CNTN5: variants seen among roughly 807,000 people sequenced by gnomAD.
CNTN5 encodes the protein contactin-5.
In CNTN5, 77 loss-of-function variants were observed where a neutral mutation model predicts 129.1. That is an observed-to-expected ratio of 0.60 (90% confidence interval 0.50 to 0.72). The LOEUF is 0.72. Among genes scored for constraint, CNTN5 ranks in the 30% least tolerant of loss-of-function variants. The pLI, the probability that CNTN5 is intolerant of heterozygous loss-of-function variation, is 0.00. For synonymous variants in CNTN5, 509 were observed against 465.6 expected, an observed-to-expected ratio of 1.09 and a Z score of -1.20; for missense variants, 1,478 against 1,328.8, an observed-to-expected ratio of 1.11 and a Z score of -1.75.
At chr11:99,678,967 C>A (rs201519239) in intron 3 of CNTN5, among the ~76,000 whole-genome samples, 3,979 of 144,398 alleles carry the variant, frequency 0.028, 57 homozygotes, top group Middle Eastern at 0.036. Flanking sequence ...CTCTCTCTCT[C>A]TATATATATA....
intron 3 of CNTN5, among the ~76,000 whole-genome samples, chr11:99,748,323 G>A (rs1296632203): frequency 1.3e-5 from 2 of 151,954 alleles, no homozygotes; most frequent in African/African-American, 2.4e-5. Flanking sequence ...AATTCAACTC[G>A]AAGCCATCAA....
chr11:99,805,941 G>A (rs903127597), intron 3 of CNTN5, among the ~76,000 whole-genome samples: 1 of 152,176 alleles, frequency 6.6e-6, no homozygotes, highest in African/African-American at 2.4e-5. Flanking sequence ...AATGGGCTTA[G>A]GGACAATCTC....
chr11:100,356,090 C>A, intron 24 of CNTN5, 27 bp from the exon 25 acceptor site: 1 of 1,503,770 alleles, frequency 6.6e-7, no homozygotes, highest in Non-Finnish European at 9.2e-7. Flanking sequence ...AGATAATTTG[C>A]TCCATTTGAT....
chr11:99,820,568 G>T (rs1359352603), intron 4 of CNTN5, among the ~76,000 whole-genome samples: 1 of 152,294 alleles, frequency 6.6e-6, no homozygotes, highest in African/African-American at 2.4e-5. Flanking sequence ...ACAAAATAAT[G>T]CCTGGTTCAT....
intron 6 of CNTN5, among the ~76,000 whole-genome samples, chr11:99,873,293 A>G (rs1948550331): frequency 6.6e-6 from 1 of 152,100 alleles, no homozygotes; most frequent in Admixed American, 6.6e-5. Context: ...CGCCTTTTTA[A>G]ATGGCAGAAA....
At chr11:100,150,779 A>T (rs75828565) in intron 13 of CNTN5, among the ~76,000 whole-genome samples, 1,551 of 152,182 alleles carry the variant, frequency 0.01, 22 homozygotes, top group African/African-American at 0.032. Flanking sequence ...ATTAACAACA[A>T]TATTGCATTG....
rs1491301950 is a variant in CNTN5, at chr11:99,408,454, GAA to G, written c.-71+82972_-71+82973del. Among the ~76,000 whole-genome samples the G allele has an allele frequency of 2.6e-3, 326 of 127,598 alleles. 1 individual carries two copies. Among genetic ancestry groups the G allele is most frequent in the Middle Eastern group, 0.013 (3 of 236 alleles). 83.7% of individuals were successfully genotyped at this position (127,598 alleles called of 152,430 possible). ...AAAGAAAGAAAGAAAGAAAGAGAAA[GAA>G]AGAAAGAAAGAAAGAAAGAAAGAAA... On this transcript the variant is annotated intron_variant, in intron 2 of 24. Coordinates refer to ENST00000524871, the MANE Select transcript of CNTN5 (RefSeq NM_014361.4).
At chr11:100,049,562 A>G (rs1170119075) in intron 9 of CNTN5, among the ~76,000 whole-genome samples, 1 of 152,136 alleles carries the variant, frequency 6.6e-6, no homozygotes, top group East Asian at 1.9e-4. Context: ...CCAAAGAAAA[A>G]CATTGTCAGA....
rs541083725 is a variant in CNTN5 at position 99,249,856 on chromosome 11, C to G, written c.-209-75490C>G. On this transcript the variant is annotated intron_variant, in intron 1 of 24. Transcript: ENST00000524871. ...ACATTGCAAGTATATTGAGTATTAACTGTAGCTCCATAAATAATAATCCAC... is the reference window on the plus strand; with the variant it reads ...ACATTGCAAGTATATTGAGTATTAAGTGTAGCTCCATAAATAATAATCCAC... Among the ~76,000 whole-genome samples, 4 of 152,048 alleles carry G rather than the reference C, an allele frequency of 2.6e-5. No homozygotes were observed. The East Asian group carries it at 7.8e-4, about 29-fold the overall frequency.
intron 1 of CNTN5, among the ~76,000 whole-genome samples, chr11:99,301,631 A>T (rs551539698): frequency 2.0e-5 from 3 of 151,862 alleles, no homozygotes; most frequent in Non-Finnish European, 4.4e-5. Flanking sequence ...ATAGACAATG[A>T]AAAAATAGCT....
intron 1 of CNTN5, among the ~76,000 whole-genome samples, chr11:99,215,608 A>G (rs1424921158): frequency 2.0e-5 from 3 of 152,178 alleles, no homozygotes; most frequent in Non-Finnish European, 4.4e-5. Context: ...AATGTCTCAA[A>G]GATATCCAAC....
At chr11:99,941,639 GT>G (rs1380443887) in intron 7 of CNTN5, among the ~76,000 whole-genome samples, 2 of 149,208 alleles carry the variant, frequency 1.3e-5, no homozygotes, top group Non-Finnish European at 3.0e-5. Context: ...GATAGTTCTA[GT>G]TAAGGTCAGC....
chr11:100,348,406 C>A (rs989800093), intron 23 of CNTN5, among the ~76,000 whole-genome samples: 41 of 152,106 alleles, frequency 2.7e-4, no homozygotes, highest in African/African-American at 9.6e-4. Flanking sequence ...CACACTTAAT[C>A]TCAAACTCGT....
intron 9 of CNTN5, among the ~76,000 whole-genome samples, chr11:100,014,586 A>T (rs10160279): frequency 0.11 from 16,113 of 152,102 alleles, 950 homozygotes; most frequent in Middle Eastern, 0.24. Flanking sequence ...TCTCAAAAAA[A>T]AATAATAATA....
At chr11:99,364,034 AT>A (rs1215364290) in intron 2 of CNTN5, among the ~76,000 whole-genome samples, 1 of 152,134 alleles carries the variant, frequency 6.6e-6, no homozygotes, top group Non-Finnish European at 1.5e-5. Flanking sequence ...AAGAATCAAG[AT>A]TTTTTGTGTT....
At position 100,335,471 on chromosome 11, in the gene CNTN5, A is replaced by G. The variant is rs551891387; in HGVS notation, c.2731-4992A>G. On this transcript the variant is annotated intron_variant, in intron 21 of 24. Coordinates refer to ENST00000524871, the MANE Select transcript of CNTN5 (RefSeq NM_014361.4). ...CAGCTTTGGGAAAAATAGAGTGTCT[A>G]CTAAGAAGAACCATCCTTGGTCAGG... is the stretch of plus-strand genomic sequence containing the variant. 1.1e-4 allele frequency among the ~76,000 whole-genome samples: 16 copies of G among 152,288 alleles called. No homozygotes were observed. The South Asian group carries it at 2.5e-3, about 24-fold the overall frequency.
At chr11:99,068,006 T>G (rs2135237062) in intron 1 of CNTN5, among the ~76,000 whole-genome samples, 1 of 152,210 alleles carries the variant, frequency 6.6e-6, no homozygotes, top group East Asian at 1.9e-4. Context: ...TTTGGTAGCT[T>G]CTCCTGCATT....
intron 10 of CNTN5, among the ~76,000 whole-genome samples, chr11:100,067,006 AT>A (rs952248960): frequency 6.6e-6 from 1 of 151,926 alleles, no homozygotes; most frequent in African/African-American, 2.4e-5. Flanking sequence ...TATTTTAAAA[AT>A]TTTACCACTG....
At position 99,313,902 on chromosome 11, in the gene CNTN5, A is replaced by G. The variant is rs528688650; in HGVS notation, c.-209-11444A>G. Among the ~76,000 whole-genome samples the G allele has an allele frequency of 6.6e-5, 10 of 152,116 alleles. No individual in the cohort carries two copies. In the East Asian group the frequency reaches 1.7e-3, roughly 27 times the overall value. On this transcript the variant is annotated intron_variant, in intron 1 of 24. Coordinates refer to ENST00000524871, the MANE Select transcript of CNTN5 (RefSeq NM_014361.4). The stretch of plus-strand genomic sequence containing the variant: ...GTAGACTTTCTTGACCCAATAAGGA[A>G]TTTACTGATAAATGACATTCTAGGA...
Sources: gnomAD v4.1 joint callset for allele counts (sites outside exome capture counted in the v4.1 genomes callset) on GRCh38, gnomAD v4.1.1 for gene constraint, MANE v1.5 for transcripts, NCBI Gene and HGNC (gene_info 2026-07-23, HGNC 2026-07-21) for gene names.